LCORL: variants seen among roughly 807,000 people sequenced by gnomAD.
The protein encoded by LCORL is ligand-dependent nuclear receptor corepressor-like protein.
A neutral mutation model predicts 141.8 loss-of-function variants in LCORL; 41 were observed. That is an observed-to-expected ratio of 0.29 (90% CI 0.23 to 0.38). The LOEUF (loss-of-function observed/expected upper bound fraction) is 0.38, where lower values mean the gene tolerates loss of function less well. Among genes scored for constraint, LCORL ranks in the 10% least tolerant of loss-of-function variants. The pLI is 1.00. For synonymous variants in LCORL, 618 were observed against 694.1 expected, an observed-to-expected ratio of 0.89 and a Z score of 1.72; for missense variants, 1,759 against 2,035.0, an observed-to-expected ratio of 0.86 and a Z score of 2.61.
intron 2 of LCORL, among the ~76,000 whole-genome samples, chr4:17,968,770 A>G (rs529617730): frequency 3.6e-4 from 55 of 152,308 alleles, no homozygotes; most frequent in African/African-American, 1.3e-3. Context: ...TTAAATTTGA[A>G]TTTCATATAA....
intron 7 of LCORL, among the ~76,000 whole-genome samples, chr4:17,849,451 C>T (rs1417016981): frequency 2.6e-5 from 4 of 152,190 alleles, no homozygotes; most frequent in Admixed American, 2.6e-4. Flanking sequence ...TCCAACAGAC[C>T]TGCAGCTGAG....
intron 5 of LCORL, among the ~76,000 whole-genome samples, chr4:17,905,074 G>C (rs1322050869): frequency 6.6e-6 from 1 of 152,070 alleles, no homozygotes; most frequent in Non-Finnish European, 1.5e-5. Flanking sequence ...GCATTTCACT[G>C]TTTTTCCTGT....
Position 17,876,286 on chromosome 4 carries a change from C to T in LCORL, c.2704G>A (p.Gly902Ser), listed in dbSNP as rs559503096. 12 of 1,230,848 alleles carry T rather than the reference C, an allele frequency of 9.7e-6. No individual in the cohort carries two copies. The East Asian group carries it at 2.8e-4, about 29-fold the overall frequency. The allele number at this position is 1,230,848 out of a possible 1,614,324, so 76.2% of individuals were successfully genotyped here. A position where few individuals can be genotyped will look rare whatever the true frequency, so the allele number is the denominator to read the frequency against. ...ATGCAGTGACTATTGATAATATTGC[C>T]GGATGCTACCACAGATTTTGATAAG... is the stretch of plus-strand genomic sequence containing the variant. The change falls in exon 7 of 8, where the codon GGC becomes AGC. Residue 902 changes from glycine to serine, a missense_variant. Gly to Ser is a moderately conservative substitution (Grantham distance 56, BLOSUM62 0). This residue lies in a region of LCORL where 1,311 missense variants were observed against 1,531.3 expected (regional missense o/e 0.86). Coordinates refer to ENST00000635767, the Ensembl canonical transcript of LCORL.
At chr4:17,972,538 TTAAGAGTAAG>T (rs1327621785) in intron 2 of LCORL, among the ~76,000 whole-genome samples, 2 of 151,598 alleles carry the variant, frequency 1.3e-5, no homozygotes, top group African/African-American at 4.8e-5. Context: ...TAAATCTTAT[TTAAGAGTAAG>T]TTAGGGCGTA....
chr4:17,899,745 A>G (rs979533), intron 5 of LCORL, among the ~76,000 whole-genome samples: 18,607 of 152,224 alleles, frequency 0.12, 1,277 homozygotes, highest in South Asian at 0.24. Context: ...GGAAAAGAAA[A>G]AAACAAGAAT....
chr4:17,876,621 T>C (rs1726952222), exon 7 of LCORL: 1 of 1,230,782 alleles, frequency 8.1e-7, no homozygotes, highest in Non-Finnish European at 1.0e-6. Flanking sequence ...TTTAAAAACA[T>C]AATTATTTGT....
intron 1 of LCORL, among the ~76,000 whole-genome samples, chr4:18,006,924 C>T (rs982245107): frequency 6.6e-6 from 1 of 152,152 alleles, no homozygotes; most frequent in Non-Finnish European, 1.5e-5. Context: ...AGTTAGGCCT[C>T]CTAAACAGAA....
chr4:17,842,301 A>G (rs1275638497), exon 8 of LCORL: 1 of 1,610,408 alleles, frequency 6.2e-7, no homozygotes, highest in East Asian at 2.2e-5. Context: ...GAATTATACT[A>G]TCTTCAAGGA....
At chr4:17,843,243 A>T in exon 8 of LCORL, 1 of 1,547,562 alleles carries the variant, frequency 6.5e-7, no homozygotes, top group Non-Finnish European at 8.7e-7. Context: ...AGTTTTATTT[A>T]TAAATAAACT....
At chr4:18,006,646 A>G (rs1379596397) in intron 1 of LCORL, among the ~76,000 whole-genome samples, 2 of 152,180 alleles carry the variant, frequency 1.3e-5, no homozygotes, top group African/African-American at 4.8e-5. Context: ...AGACAAGAGA[A>G]GAGAGCTTGT....
chr4:17,972,977 A>C, intron 1 of LCORL, 92 bp from the exon 2 acceptor site: 1 of 507,440 alleles, frequency 2.0e-6, no homozygotes, highest in African/African-American at 2.0e-5. Flanking sequence ...TCAGCAAATT[A>C]ATTTAACATA....
intron 2 of LCORL, among the ~76,000 whole-genome samples, chr4:17,969,007 C>T (rs1577583094): frequency 6.6e-6 from 1 of 152,288 alleles, no homozygotes; most frequent in East Asian, 1.9e-4. Context: ...CACATACAAT[C>T]TATTCATATT....
chr4:17,912,719 C>T (rs779059139), intron 4 of LCORL: 1 of 398,136 alleles, frequency 2.5e-6, no homozygotes, highest in Non-Finnish European at 4.9e-6. Flanking sequence ...CAATGGGCTC[C>T]TCCTGCACCT....
intron 7 of LCORL, among the ~76,000 whole-genome samples, chr4:17,870,941 T>C (rs188808902): frequency 3.3e-4 from 51 of 152,260 alleles, no homozygotes; most frequent in African/African-American, 1.1e-3. Flanking sequence ...AACAAGATAT[T>C]TGTGATAGAA....
At chr4:17,934,362 A>G (rs1736517966) in intron 4 of LCORL, among the ~76,000 whole-genome samples, 1 of 152,144 alleles carries the variant, frequency 6.6e-6, no homozygotes, top group Non-Finnish European at 1.5e-5. Context: ...TAGTTCTTTT[A>G]TAAACCTAGA....
intron 7 of LCORL, among the ~76,000 whole-genome samples, chr4:17,860,138 C>T (rs528915278): frequency 1.3e-5 from 2 of 152,230 alleles, no homozygotes; most frequent in East Asian, 1.9e-4. Flanking sequence ...CAACAAAGAA[C>T]GTGAATAGCC....
exon 7 of LCORL, chr4:17,876,527 A>G: frequency 8.1e-7 from 1 of 1,230,788 alleles, no homozygotes; most frequent in Non-Finnish European, 1.0e-6. Flanking sequence ...TTAGGTCTAT[A>G]TTGTGTGAGC....
At chr4:17,857,279 GGA>G (rs1183412452) in intron 7 of LCORL, among the ~76,000 whole-genome samples, 1 of 152,064 alleles carries the variant, frequency 6.6e-6, no homozygotes, top group Non-Finnish European at 1.5e-5. Flanking sequence ...GGGGGAGAAA[GGA>G]GAGAGAAGGA....
At chr4:17,845,550 A>C in exon 8 of LCORL, 2 of 401,586 alleles carry the variant, frequency 5.0e-6, no homozygotes. Context: ...GATCTGATGT[A>C]AAACATGTAA....
Sources: gnomAD v4.1 joint callset for allele counts (sites outside exome capture counted in the v4.1 genomes callset) on GRCh38, gnomAD v4.1.1 for gene constraint, gnomAD v4.1.1 regional missense constraint, MANE v1.5 for transcripts, NCBI Gene and HGNC (gene_info 2026-07-23, HGNC 2026-07-21) for gene names.